MDGA2: variants seen among roughly 807,000 people sequenced by gnomAD.
MDGA2 encodes MAM domain-containing glycosylphosphatidylinositol anchor protein 2.
Under a neutral mutation model 117.8 loss-of-function variants are expected in MDGA2, and 40 were observed. That is an observed-to-expected ratio of 0.34 (90% CI 0.26 to 0.44). MDGA2 has a LOEUF of 0.44. Among genes scored for constraint, MDGA2 ranks in the 20% least tolerant of loss-of-function variants. The pLI is 1.00. For synonymous variants in MDGA2, 452 were observed against 439.0 expected, an observed-to-expected ratio of 1.03 and a Z score of -0.37; for missense variants, 1,123 against 1,250.6, an observed-to-expected ratio of 0.90 and a Z score of 1.54.
chr14:46,941,468 G>A (rs1884998005), intron 9 of MDGA2, among the ~76,000 whole-genome samples: 2 of 152,112 alleles, frequency 1.3e-5, no homozygotes. Context: ...TTAGTTTCAG[G>A]CATGCCCTTG....
intron 1 of MDGA2, among the ~76,000 whole-genome samples, chr14:47,604,749 T>C (rs906585525): frequency 3.9e-5 from 6 of 152,218 alleles, no homozygotes; most frequent in African/African-American, 7.2e-5. Flanking sequence ...GCTGGTTCTA[T>C]GACTTTCAGT....
intron 2 of MDGA2, 118 bp downstream of exon 2, chr14:47,301,293 A>C (rs113073930): frequency 1.3e-6 from 1 of 789,340 alleles, no homozygotes; most frequent in Non-Finnish European, 1.8e-6. Context: ...ACCCACACCC[A>C]CCCACACACA....
intron 3 of MDGA2, among the ~76,000 whole-genome samples, chr14:47,156,729 G>A (rs556329801): frequency 1.1e-3 from 172 of 152,272 alleles, no homozygotes; most frequent in Non-Finnish European, 8.8e-4. Flanking sequence ...TATATTGGAT[G>A]TCATCTTTTT....
At chr14:47,309,836 C>T (rs1889577900) in intron 1 of MDGA2, among the ~76,000 whole-genome samples, 1 of 151,878 alleles carries the variant, frequency 6.6e-6, no homozygotes, top group Admixed American at 6.6e-5. Flanking sequence ...CAAAAGAGAG[C>T]AATGACATTC....
chr14:47,278,207 T>A (rs1468574826), intron 2 of MDGA2, among the ~76,000 whole-genome samples: 2 of 152,040 alleles, frequency 1.3e-5, no homozygotes, highest in Non-Finnish European at 2.9e-5. Context: ...GTTACTGCAA[T>A]AACAGGGATC....
intron 7 of MDGA2, among the ~76,000 whole-genome samples, chr14:47,047,838 T>A (rs1398438682): frequency 1.3e-5 from 2 of 151,870 alleles, no homozygotes; most frequent in Non-Finnish European, 2.9e-5. Context: ...TATACCTATA[T>A]AAATAAATTT....
At chr14:47,124,234 A>G (rs949222486) in intron 5 of MDGA2, among the ~76,000 whole-genome samples, 1 of 152,128 alleles carries the variant, frequency 6.6e-6, no homozygotes, top group African/African-American at 2.4e-5. Flanking sequence ...ATCCAAGAAT[A>G]ATGCACAAGT....
intron 1 of MDGA2, among the ~76,000 whole-genome samples, chr14:47,426,735 A>G (rs1434731447): frequency 2.7e-5 from 4 of 148,634 alleles, no homozygotes; most frequent in African/African-American, 9.8e-5. Flanking sequence ...TCACGCAGTG[A>G]ACAACATAGT....
At chr14:46,940,730 T>C (rs901961789) in intron 9 of MDGA2, among the ~76,000 whole-genome samples, 6 of 152,068 alleles carry the variant, frequency 3.9e-5, no homozygotes, top group Admixed American at 2.0e-4. Context: ...AACAGATGGA[T>C]GAACTGATCC....
intron 1 of MDGA2, among the ~76,000 whole-genome samples, chr14:47,575,608 A>C (rs1348125911): frequency 6.6e-6 from 1 of 152,216 alleles, no homozygotes. Flanking sequence ...TCATTAGAAA[A>C]TAAAACTTTG....
intron 9 of MDGA2, among the ~76,000 whole-genome samples, chr14:46,932,796 T>A (rs1164813168): frequency 6.6e-6 from 1 of 151,934 alleles, no homozygotes; most frequent in Non-Finnish European, 1.5e-5. Context: ...ACTTCATCCT[T>A]ACAACATTAT....
chr14:47,020,532 C>A (rs924949682), intron 8 of MDGA2, among the ~76,000 whole-genome samples: 1 of 152,054 alleles, frequency 6.6e-6, no homozygotes, highest in Non-Finnish European at 1.5e-5. Flanking sequence ...AAATTACAAT[C>A]CCCTAAAAGT....
chr14:47,514,066 A>C (rs932884788), intron 1 of MDGA2, among the ~76,000 whole-genome samples: 7 of 152,188 alleles, frequency 4.6e-5, no homozygotes, highest in Admixed American at 4.6e-4. Flanking sequence ...AGCCACCAAC[A>C]GCAGACTTAA....
intron 1 of MDGA2, among the ~76,000 whole-genome samples, chr14:47,573,319 C>G (rs1317871540): frequency 6.6e-6 from 1 of 152,070 alleles, no homozygotes; most frequent in Non-Finnish European, 1.5e-5. Flanking sequence ...GTTAGAGAAT[C>G]CAGCATAATA....
At chr14:47,555,111 T>C (rs1449681133) in intron 1 of MDGA2, among the ~76,000 whole-genome samples, 1 of 152,160 alleles carries the variant, frequency 6.6e-6, no homozygotes, top group Non-Finnish European at 1.5e-5. Context: ...ATTGTGTGTG[T>C]TCTCACTGAC....
intron 1 of MDGA2, among the ~76,000 whole-genome samples, chr14:47,353,253 A>T (rs981874349): frequency 2.0e-5 from 3 of 152,206 alleles, no homozygotes; most frequent in African/African-American, 7.2e-5. Context: ...CAATGAGCAA[A>T]AGGAAAGGTG....
At chr14:47,491,477 G>A (rs1279190016) in intron 1 of MDGA2, among the ~76,000 whole-genome samples, 1 of 152,088 alleles carries the variant, frequency 6.6e-6, no homozygotes, top group Non-Finnish European at 1.5e-5. Flanking sequence ...GATTAAGAAT[G>A]CCTATACGAA....
intron 1 of MDGA2, among the ~76,000 whole-genome samples, chr14:47,428,654 G>A (rs1892737936): frequency 6.6e-6 from 1 of 151,898 alleles, no homozygotes; most frequent in Non-Finnish European, 1.5e-5. Flanking sequence ...GCTTTTCTAA[G>A]AAGAGCTTTT....
intron 1 of MDGA2, among the ~76,000 whole-genome samples, chr14:47,502,258 G>C (rs1894414516): frequency 6.6e-6 from 1 of 152,064 alleles, no homozygotes; most frequent in African/African-American, 2.4e-5. Flanking sequence ...GATCCCTTAA[G>C]CCAGGAGTTT....
Sources: allele counts gnomAD v4.1 joint callset (sites outside exome capture counted in the v4.1 genomes callset), GRCh38; gene constraint gnomAD v4.1.1; transcripts MANE v1.5; gene names NCBI Gene and HGNC (gene_info 2026-07-23, HGNC 2026-07-21).